CCDC3: variants seen among roughly 807,000 people sequenced by gnomAD.
The protein encoded by CCDC3 is coiled-coil domain containing 3, also known as coiled-coil domain-containing protein 3.
A neutral mutation model predicts 21.4 loss-of-function variants in CCDC3; 24 were observed. The ratio of observed to expected loss-of-function variants is 1.12; its 90% CI spans 0.81 to 1.58. The LOEUF is 1.58. Ranked by LOEUF, CCDC3 falls within the 40% of genes most tolerant of loss-of-function variation. The pLI is 0.00. For missense variants in CCDC3, 425 were observed against 360.9 expected, an observed-to-expected ratio of 1.18 and a Z score of -1.44; for synonymous variants, 186 against 166.0, an observed-to-expected ratio of 1.12 and a Z score of -0.93.
Position 13,088,780 on chromosome 10 carries a change from C to T in CCDC3, c.-503+9745G>A, listed in dbSNP as rs574913594. ...GCTCACGCCTGTAATCCCAGCACTTCGGGAGGCCAAGGCAGGAGGATCACC... is the reference window on the plus strand; with the variant it reads ...GCTCACGCCTGTAATCCCAGCACTTTGGGAGGCCAAGGCAGGAGGATCACC... On this transcript the variant is annotated intron_variant, in intron 3 of 6. Transcript: ENST00000378839. 4.8e-3 allele frequency among the ~76,000 whole-genome samples: 726 copies of T among 152,132 alleles called. 19 individuals carry two copies. Among genetic ancestry groups the T allele is most frequent in the South Asian group, 0.026 (127 of 4,814 alleles).
At chr10:13,080,636 T>A (rs1055948021) in intron 3 of CCDC3, among the ~76,000 whole-genome samples, 2 of 152,236 alleles carry the variant, frequency 1.3e-5, no homozygotes, top group Non-Finnish European at 2.9e-5. Context: ...CAACCCCTTA[T>A]AAAGAAAATC....
chr10:13,007,856 T>A (rs375506400), intron 5 of CCDC3, among the ~76,000 whole-genome samples: 1 of 152,142 alleles, frequency 6.6e-6, no homozygotes, highest in Admixed American at 6.5e-5. Context: ...AAAACTCCAC[T>A]CTAAAAGTCT....
intron 2 of CCDC3, among the ~76,000 whole-genome samples, chr10:12,917,048 G>A (rs1032592211): frequency 1.3e-4 from 20 of 152,164 alleles, no homozygotes; most frequent in Admixed American, 1.2e-3. Flanking sequence ...TTCTGGGGCA[G>A]GCCCAGTGTA....
intron 2 of CCDC3, among the ~76,000 whole-genome samples, chr10:12,925,917 G>C (rs1204216928): frequency 1.3e-5 from 2 of 152,272 alleles, no homozygotes; most frequent in African/African-American, 4.8e-5. Context: ...AGAACAGGCA[G>C]AACAAAAGCT....
chr10:13,071,701 C>T (rs1412977089), intron 4 of CCDC3, among the ~76,000 whole-genome samples: 2 of 152,160 alleles, frequency 1.3e-5, no homozygotes, highest in African/African-American at 4.8e-5. Flanking sequence ...CCTCACTTTC[C>T]GTCCCTCACG....
At chr10:12,988,709 T>A (rs960003488) in intron 2 of CCDC3, among the ~76,000 whole-genome samples, 6 of 152,168 alleles carry the variant, frequency 3.9e-5, no homozygotes, top group African/African-American at 1.4e-4. Flanking sequence ...GACTGATACA[T>A]TCATTGATGT....
intron 4 of CCDC3, among the ~76,000 whole-genome samples, chr10:13,059,312 C>T (rs1836723699): frequency 6.6e-6 from 1 of 152,182 alleles, no homozygotes; most frequent in Admixed American, 6.5e-5. Context: ...CCCATTTCAC[C>T]TCCTGCCTCC....
intron 2 of CCDC3, among the ~76,000 whole-genome samples, chr10:12,987,842 C>T (rs187552389): frequency 1.5e-4 from 23 of 152,258 alleles, no homozygotes; most frequent in Non-Finnish European, 2.9e-4. Flanking sequence ...CAGGAGAGCG[C>T]CCCTTCCAGA....
At chr10:12,921,943 G>A (rs146884856) in intron 2 of CCDC3, among the ~76,000 whole-genome samples, 51 of 152,224 alleles carry the variant, frequency 3.4e-4, no homozygotes, top group African/African-American at 1.2e-3. Context: ...CATGTTGCCT[G>A]GGCTGGTCTT....
intron 4 of CCDC3, among the ~76,000 whole-genome samples, chr10:13,051,724 A>T (rs1588406929): frequency 6.6e-6 from 1 of 151,990 alleles, no homozygotes; most frequent in African/African-American, 2.4e-5. Context: ...GGGCAGGAGG[A>T]CTGGGGGTGG....
At position 12,898,691 on chromosome 10, in the gene CCDC3, GAC is replaced by G. The variant is rs1564274894; in HGVS notation, c.550-14_550-13del. The G allele has an allele frequency of 6.2e-7, 1 of 1,613,612 alleles. No individual in the cohort carries two copies. The highest frequency in any genetic ancestry group is 8.5e-7 in the Non-Finnish European group (1 of 1,179,582). On this transcript the variant is annotated splice_polypyrimidine_tract_variant and intron_variant, in intron 2 of 2. Transcript: ENST00000378825. ...GAGGAGCACATGAGCTGGAGGCAGA[GAC>G]AGCGTGCAAGGAGAGGAGGTGAGTC... is the stretch of plus-strand genomic sequence containing the variant.
chr10:13,033,985 T>C (rs1397557847), intron 5 of CCDC3, among the ~76,000 whole-genome samples: 1 of 152,178 alleles, frequency 6.6e-6, no homozygotes, highest in Non-Finnish European at 1.5e-5. Flanking sequence ...AGCAATCCCA[T>C]TACTGGGTAT....
chr10:12,910,106 T>A (rs552491770), intron 2 of CCDC3, among the ~76,000 whole-genome samples: 1 of 152,290 alleles, frequency 6.6e-6, no homozygotes, highest in South Asian at 2.1e-4. Context: ...CAGCTAAGAG[T>A]CTGTTTATTT....
intron 5 of CCDC3, among the ~76,000 whole-genome samples, chr10:13,012,783 C>A (rs1360554070): frequency 6.6e-6 from 1 of 151,634 alleles, no homozygotes; most frequent in Non-Finnish European, 1.5e-5. Flanking sequence ...AAAAACAAAA[C>A]AAACAAAAAA....
chr10:12,981,602 T>A (rs535436142), intron 2 of CCDC3, among the ~76,000 whole-genome samples: 2 of 152,262 alleles, frequency 1.3e-5, no homozygotes, highest in East Asian at 3.9e-4. Flanking sequence ...CAGGAGGAAA[T>A]GAGGCCAGTG....
intron 5 of CCDC3, among the ~76,000 whole-genome samples, chr10:13,047,945 C>T (rs1037951208): frequency 6.6e-6 from 1 of 152,064 alleles, no homozygotes; most frequent in African/African-American, 2.4e-5. Context: ...AGGGGGAAAG[C>T]AGGCTGGAGG....
chr10:12,997,911 T>C (rs964381748), intron 2 of CCDC3, among the ~76,000 whole-genome samples: 11 of 152,142 alleles, frequency 7.2e-5, no homozygotes, highest in African/African-American at 2.4e-4. Flanking sequence ...TAACGATAGC[T>C]GATAAGCAAA....
chr10:12,918,980 C>T (rs535843584), intron 2 of CCDC3, among the ~76,000 whole-genome samples: 5 of 151,978 alleles, frequency 3.3e-5, no homozygotes, highest in Admixed American at 6.5e-5. Flanking sequence ...GGCGTGAACC[C>T]GGGAGGCGGA....
At chr10:12,992,393 G>T (rs1835695239) in intron 2 of CCDC3, among the ~76,000 whole-genome samples, 1 of 151,634 alleles carries the variant, frequency 6.6e-6, no homozygotes, top group Admixed American at 6.6e-5. Context: ...CATCTCAAAA[G>T]AAACAAAACA....
Sources: gnomAD v4.1 joint callset for allele counts (sites outside exome capture counted in the v4.1 genomes callset) on GRCh38, gnomAD v4.1.1 for gene constraint, MANE v1.5 for transcripts, NCBI Gene and HGNC (gene_info 2026-07-23, HGNC 2026-07-21) for gene names.